Variants in SLAMF9 observed in about 807,000 individuals in gnomAD.
The protein encoded by SLAMF9 is CD2 family member 10.
A neutral mutation model predicts 30.4 loss-of-function variants in SLAMF9; 25 were observed. The ratio of observed to expected loss-of-function variants is 0.82; its 90% confidence interval spans 0.60 to 1.15. The LOEUF (loss-of-function observed/expected upper bound fraction) is 1.15. SLAMF9 is among the 50% of genes most tolerant of loss of function. The pLI, the probability that SLAMF9 is intolerant of heterozygous loss-of-function variation, is 0.00. For missense variants in SLAMF9, 344 were observed against 346.1 expected, an observed-to-expected ratio of 0.99 and a Z score of 0.05; for synonymous variants, 129 against 127.2, an observed-to-expected ratio of 1.01 and a Z score of -0.09.
At chr1:159,971,237 G>T in the SLAMF9 span, among the ~76,000 whole-genome samples, 26 of 152,162 alleles carry the variant, frequency 1.7e-4, no homozygotes, top group Non-Finnish European at 3.2e-4. Flanking sequence ...GACAAACAAA[G>T]ACACTCTTAT....
chr1:159,976,940 GAAAGAAAGAAAGAAAGAAAGAGAAAGAAA>G, the SLAMF9 span: 1 of 5,102 alleles, frequency 2.0e-4, no homozygotes, highest in Non-Finnish European at 1.3e-3. Context: ...AAGAAAGAAA[GAAAGAAAGAAAGAAAGAAAGAGAAAGAAA>G]GAAGGAAAGA....
the SLAMF9 span, among the ~76,000 whole-genome samples, chr1:159,964,016 C>T: frequency 0.011 from 1,695 of 152,216 alleles, 17 homozygotes; most frequent in Non-Finnish European, 0.013. Context: ...GCAGAGATCA[C>T]GCCACTACAC....
the SLAMF9 span, among the ~76,000 whole-genome samples, chr1:159,967,546 G>C: frequency 1.3e-5 from 2 of 152,142 alleles, no homozygotes; most frequent in Admixed American, 1.3e-4. Context: ...GATGCCTCCA[G>C]CTTTGTTATT....
the SLAMF9 span, chr1:159,977,196 G>A: frequency 2.0e-5 from 3 of 152,300 alleles, no homozygotes; most frequent in East Asian, 5.8e-4. Context: ...AAGAAAGGCA[G>A]ATGAGGAAGG....
chr1:159,966,202 AG>A, the SLAMF9 span, among the ~76,000 whole-genome samples: 10 of 152,296 alleles, frequency 6.6e-5, no homozygotes, highest in Admixed American at 2.0e-4. Flanking sequence ...AAGATCATGC[AG>A]TATTTACCTT....
At position 159,951,670 on chromosome 1, in the gene SLAMF9, G is replaced by A. The variant is rs747570690; in HGVS notation, c.861C>T (p.Ser287=). The A allele has an allele frequency of 1.5e-5, 24 of 1,614,022 alleles. No individual in the cohort carries two copies. In the East Asian group the frequency reaches 5.1e-4, roughly 34 times the overall value. ...GGTTCCCAAGGAGCAGTCAGGCAGG[G>A]CTGGAGCCAGGCTTTGCCTCCTTCC... ...KLRKEAKPGS[S]PA Residue 287 remains serine (S), a synonymous_variant, in exon 4 of 4, where the codon AGC becomes AGT. Transcript: ENST00000368093.
In SLAMF9 at chr1:159,952,371, G is replaced by A; in HGVS notation, c.555C>T (p.Leu185=). Residue 185 remains leucine, a synonymous_variant, in exon 3 of 4, where the codon CTC becomes CTT. Transcript: ENST00000368093. ...STYTFHEGPV[L]STSWRPGDSA... is the part of the protein sequence containing the mutation. ...TGTCCCCCGGCCTCCAGGATGTGCT[G>A]AGGACAGGGCCTTCATGGAATGTAT... 2 of 1,614,102 alleles carry A rather than the reference G, an allele frequency of 1.2e-6. No individual in the cohort carries two copies. The highest frequency in any genetic ancestry group is 1.1e-5 in the South Asian group (1 of 91,078).
the SLAMF9 span, chr1:159,976,969 A>AGAAAGAAAGAAG: frequency 2.4e-5 from 1 of 41,264 alleles, no homozygotes; most frequent in African/African-American, 5.1e-5. Flanking sequence ...AGAGAAAGAA[A>AGAAAGAAAGAAG]GAAGGAAAGA....
chr1:159,952,402 C>A lies in SLAMF9; in HGVS notation c.524G>T (p.Ser175Ile). The A allele has an allele frequency of 6.2e-7, 1 of 1,614,064 alleles. No homozygotes were observed. The highest frequency in any genetic ancestry group is 1.1e-5 in the South Asian group (1 of 91,080). ...AGGGCCTTCATGGAATGTATAAGTG[C>A]TATCCCCCCGGGAGAGCCAGCTGTA... ...MTYSWLSRGD[S>I]TYTFHEGPVL... is the part of the protein sequence containing the mutation. Residue 175 changes from serine (S) to isoleucine (I), a missense_variant, in exon 3 of 4, where the codon AGC becomes ATC. Physicochemically the swap from Ser to Ile is moderately radical, Grantham distance 142. Coordinates refer to ENST00000368093, the MANE Select transcript of SLAMF9 (RefSeq NM_033438.4).
the SLAMF9 span, chr1:159,973,899 G>C: frequency 6.2e-7 from 1 of 1,612,410 alleles, no homozygotes; most frequent in African/African-American, 1.3e-5. Context: ...CTGCATTGTT[G>C]CTCCTCTCAT....
At chr1:159,961,098 G>C in the SLAMF9 span, 3 of 152,156 alleles carry the variant, frequency 2.0e-5, no homozygotes, top group African/African-American at 7.2e-5. Flanking sequence ...TTTGGAGAGA[G>C]ACCAAACTAT....
upstream of SLAMF9, among the ~76,000 whole-genome samples, chr1:159,956,890 C>T (rs577544583): frequency 9.8e-4 from 149 of 151,616 alleles, no homozygotes; most frequent in Middle Eastern, 3.4e-3. Context: ...GAGGCCGAGG[C>T]GGGGGGATCA....
At chr1:159,956,206 C>T (rs375848710), upstream of SLAMF9, among the ~76,000 whole-genome samples, 100 of 152,312 alleles carry the variant, frequency 6.6e-4, no homozygotes, top group African/African-American at 2.2e-3. Context: ...GAGCTCATGC[C>T]TATGATCCTA....
chr1:159,962,018 C>T, the SLAMF9 span, among the ~76,000 whole-genome samples: 29 of 152,164 alleles, frequency 1.9e-4, no homozygotes, highest in African/African-American at 7.0e-4. Context: ...ATTAGCCCAG[C>T]GTGGTGGCAC....
chr1:159,973,712 G>T, the SLAMF9 span: 1 of 1,257,348 alleles, frequency 8.0e-7, no homozygotes, highest in African/African-American at 1.5e-5. Flanking sequence ...AGAGACAGGG[G>T]TCCTGTCCAG....
the SLAMF9 span, among the ~76,000 whole-genome samples, chr1:159,979,772 C>G: frequency 7.2e-5 from 11 of 152,040 alleles, no homozygotes; most frequent in East Asian, 3.9e-4. Context: ...CCCAGACAGT[C>G]TAGCCATGCA....
intron 3 of SLAMF9, 53 bp from the exon 4 acceptor site, chr1:159,951,919 G>T: frequency 6.5e-7 from 1 of 1,537,910 alleles, no homozygotes; most frequent in Non-Finnish European, 8.9e-7. Context: ...TTGGGGTTAA[G>T]ATTTGGGCAG....
rs202245585 is a variant in SLAMF9, at chr1:159,952,389, G to A, written c.537C>T (p.Phe179=). ...ATGTGCTGAGGACAGGGCCTTCATG[G>A]AATGTATAAGTGCTATCCCCCCGGG... is the stretch of plus-strand genomic sequence containing the variant. The part of the protein sequence containing the change: ...WLSRGDSTYT[F]HEGPVLSTSW... Residue 179 remains phenylalanine (F), a synonymous_variant, in exon 3 of 4, where the codon TTC becomes TTT. Coordinates refer to ENST00000368093, the MANE Select transcript of SLAMF9 (RefSeq NM_033438.4). The A allele has an allele frequency of 6.8e-6, 11 of 1,613,996 alleles. No individual in the cohort carries two copies. The East Asian group carries it at 1.3e-4, about 20-fold the overall frequency.
chr1:159,954,205 A>T lies in SLAMF9; in HGVS notation c.-68T>A. On this transcript the variant is annotated 5_prime_UTR_variant, in exon 1 of 4. The change abolishes an upstream ATG in the 5' untranslated region. Coordinates refer to ENST00000368093, the MANE Select transcript of SLAMF9 (RefSeq NM_033438.4). ...TCCCCAGGACTGTGCAGAAGACTGC[A>T]TTAGGAGGCTCCTAGACACAAAGAG... 6.3e-7 allele frequency: 1 copy of T among 1,580,154 alleles called. No homozygotes were observed. The highest frequency in any genetic ancestry group is 8.7e-7 in the Non-Finnish European group (1 of 1,152,180).
Sources: allele counts gnomAD v4.1 joint callset (sites outside exome capture counted in the v4.1 genomes callset), GRCh38; gene constraint gnomAD v4.1.1; transcripts MANE v1.5; gene names NCBI Gene and HGNC (gene_info 2026-07-23, HGNC 2026-07-21).